The following ATAD1 variants were observed in gnomAD, a reference collection of about 807,000 sequenced individuals.
ATAD1 encodes the protein ATPase family AAA domain containing 1.
Under a neutral mutation model 42.7 loss-of-function variants are expected in ATAD1, and 18 were observed. The observed-to-expected ratio is 0.42, with a 90% CI of 0.29 to 0.63. The LOEUF (loss-of-function observed/expected upper bound fraction) is 0.63, where lower values mean the gene tolerates loss of function less well. Ranked by LOEUF, ATAD1 falls within the 20% of genes least tolerant of loss-of-function variation. The pLI is 0.19. For synonymous variants in ATAD1, 132 were observed against 143.1 expected (o/e 0.92, Z 0.55); for missense variants, 294 against 440.4 (o/e 0.67, Z 2.98).
intron 6 of ATAD1, among the ~76,000 whole-genome samples, chr10:87,775,803 C>T (rs11202552): frequency 0.066 from 10,048 of 151,996 alleles, 796 homozygotes; most frequent in East Asian, 0.33. Flanking sequence ...AAGTCTGTCT[C>T]GTATAAAATT....
upstream of ATAD1, among the ~76,000 whole-genome samples, chr10:87,821,253 C>T (rs193168236): frequency 2.0e-5 from 3 of 152,122 alleles, no homozygotes; most frequent in African/African-American, 7.2e-5. Flanking sequence ...CTTGGCTGGG[C>T]GCAGTGGCTC....
At chr10:87,771,160 A>T (rs1428792008) in intron 6 of ATAD1, 119 bp from the exon 7 acceptor site, 3 of 661,596 alleles carry the variant, frequency 4.5e-6, no homozygotes, top group Non-Finnish European at 7.3e-6. Context: ...CTTTGTAAGA[A>T]ATCTGATTTT....
chr10:87,792,634 T>A, intron 3 of ATAD1, 23 bp downstream of exon 3: 2 of 1,451,474 alleles, frequency 1.4e-6, no homozygotes, highest in Non-Finnish European at 9.6e-7. Flanking sequence ...AAAAAAATCT[T>A]AAATAAGATT....
At chr10:87,838,951 T>C (rs771382793) in intron 1 of ATAD1, among the ~76,000 whole-genome samples, 2 of 152,232 alleles carry the variant, frequency 1.3e-5, no homozygotes, top group Non-Finnish European at 2.9e-5. Context: ...ACAAATACAA[T>C]TGCCAACATA....
At chr10:87,811,932 GATATT>G (rs1315417528) in intron 2 of ATAD1, among the ~76,000 whole-genome samples, 3 of 152,098 alleles carry the variant, frequency 2.0e-5, no homozygotes, top group Non-Finnish European at 2.9e-5. Context: ...CTCTATAAAA[GATATT>G]ATAAGTCTTT....
rs577804992 is a variant in ATAD1 at position 87,813,415 on chromosome 10, A to C, written c.162+1023T>G. On this transcript the variant is annotated intron_variant, in intron 2 of 9. Coordinates refer to ENST00000680024, the MANE Select transcript of ATAD1 (RefSeq NM_001321967.2). ...CCAGAGACTTACAAATAGGCTGATA[A>C]TATCATCTAGAACTTCAGTCAACTA... is the stretch of plus-strand genomic sequence containing the variant. 5.2e-4 allele frequency among the ~76,000 whole-genome samples: 79 copies of C among 151,934 alleles called. No individual in the cohort carries two copies. In the South Asian group the frequency reaches 0.015, roughly 30 times the overall value.
intron 4 of ATAD1, among the ~76,000 whole-genome samples, chr10:87,788,678 AAAG>A (rs1855949570): frequency 6.6e-6 from 1 of 152,234 alleles, no homozygotes; most frequent in Non-Finnish European, 1.5e-5. Flanking sequence ...ACTGATAAAA[AAAG>A]AAGCTTTCTC....
chr10:87,763,156 A>G (rs1210222760), intron 8 of ATAD1, among the ~76,000 whole-genome samples: 1 of 151,420 alleles, frequency 6.6e-6, no homozygotes, highest in East Asian at 1.9e-4. Flanking sequence ...TTCCTTACCT[A>G]AAAAACATGG....
chr10:87,814,612 C>A lies in ATAD1; in HGVS notation c.-13G>T. On this transcript the variant is annotated splice_region_variant and 5_prime_UTR_variant, in exon 2 of 10. Transcript: ENST00000680024. ...CAGCATGTACCATCTTGAATGTTAA[C>A]CTTAAAAAAACAAACAGAAATGTCA... The A allele has an allele frequency of 6.3e-7, 1 of 1,582,346 alleles. No individual in the cohort carries two copies. Among genetic ancestry groups the A allele is most frequent in the Non-Finnish European group, 8.6e-7 (1 of 1,166,414 alleles).
rs555622333 is a variant in ATAD1, at chr10:87,772,587, A to G, written c.691-1546T>C. ...GTGGTTAAGTCAATATTTGGGGGGG[A>G]AAAAGGGAAATGGCCAGCATTTGAA... On this transcript the variant is annotated intron_variant, in intron 6 of 9. Coordinates refer to ENST00000680024, the MANE Select transcript of ATAD1 (RefSeq NM_001321967.2). 5.9e-5 allele frequency among the ~76,000 whole-genome samples: 9 copies of G among 152,172 alleles called. No homozygotes were observed. The East Asian group carries it at 7.7e-4, about 13-fold the overall frequency.
intron 1 of ATAD1, among the ~76,000 whole-genome samples, chr10:87,828,192 G>C (rs942617821): frequency 6.6e-6 from 1 of 151,796 alleles, no homozygotes; most frequent in Non-Finnish European, 1.5e-5. Context: ...TCAAACTCCT[G>C]GTCTCAAGCA....
In ATAD1 at chr10:87,784,368, GTTTT is replaced by G. The variant is rs1230070219; in HGVS notation, c.583+98_583+101del. On this transcript the variant is annotated intron_variant, in intron 5 of 9. Coordinates refer to ENST00000680024, the MANE Select transcript of ATAD1 (RefSeq NM_001321967.2). ...TATTATGATGTTGGTTATGTTCTTT[GTTTT>G]ATTAACATGGCCTAATAAATGTTAA... is the stretch of plus-strand genomic sequence containing the variant. 2.7e-6 allele frequency: 3 copies of G among 1,105,540 alleles called. No homozygotes were observed. In the East Asian group the frequency reaches 7.7e-5, roughly 28 times the overall value. 68.5% of individuals were successfully genotyped at this position (1,105,540 alleles called of 1,614,324 possible). A position where few individuals can be genotyped will look rare whatever the true frequency, so the allele number is the denominator to read the frequency against.
intron 2 of ATAD1, among the ~76,000 whole-genome samples, chr10:87,813,391 C>A (rs1857271934): frequency 6.6e-6 from 1 of 151,146 alleles, no homozygotes; most frequent in Admixed American, 6.6e-5. Context: ...TCAGACTTCC[C>A]AGAGACTTAC....
At chr10:87,776,495 G>A (rs183106012) in intron 5 of ATAD1, 68 bp from the exon 6 acceptor site, 113 of 1,297,850 alleles carry the variant, frequency 8.7e-5, no homozygotes, top group Middle Eastern at 7.6e-4. Context: ...TTGAGACAGG[G>A]TCTCACTCTG....
intron 1 of ATAD1, among the ~76,000 whole-genome samples, chr10:87,834,905 T>TA (rs1285876931): frequency 1.3e-5 from 2 of 152,056 alleles, no homozygotes; most frequent in Non-Finnish European, 2.9e-5. Context: ...GTTATAAATA[T>TA]AAATTTCCCT....
intron 2 of ATAD1, among the ~76,000 whole-genome samples, chr10:87,798,055 AC>A (rs1280921723): frequency 6.6e-6 from 1 of 151,554 alleles, no homozygotes; most frequent in East Asian, 1.9e-4. Context: ...AAAATCCCCA[AC>A]AAAAATTAAT....
intron 8 of ATAD1, among the ~76,000 whole-genome samples, chr10:87,763,387 G>A (rs1227291914): frequency 6.6e-6 from 1 of 152,204 alleles, no homozygotes; most frequent in Non-Finnish European, 1.5e-5. Flanking sequence ...GGTCAAGAAT[G>A]GTGGTTCATG....
Position 87,752,254 on chromosome 10 carries a change from T to C in ATAD1, c.*2433A>G, listed in dbSNP as rs1222392416. On this transcript the variant is annotated 3_prime_UTR_variant, in exon 10 of 10. Coordinates refer to ENST00000680024, the MANE Select transcript of ATAD1 (RefSeq NM_001321967.2). The stretch of plus-strand genomic sequence containing the variant: ...TCAAAAGTCTTCCAGCAATGATGCT[T>C]TTAGAGAAACATGGCATAAATGATC... 1 of 152,154 alleles carries C rather than the reference T, an allele frequency of 6.6e-6. No individual in the cohort carries two copies. The highest frequency in any genetic ancestry group is 1.5e-5 in the Non-Finnish European group (1 of 68,028). 9.4% of individuals were successfully genotyped at this position (152,154 alleles called of 1,614,324 possible).
chr10:87,760,356 T>A (rs1308990631), intron 8 of ATAD1, among the ~76,000 whole-genome samples: 1 of 152,112 alleles, frequency 6.6e-6, no homozygotes, highest in Non-Finnish European at 1.5e-5. Context: ...TGTGTGGCAC[T>A]TCCCCCTTCA....
Sources: allele counts gnomAD v4.1 joint callset (sites outside exome capture counted in the v4.1 genomes callset), GRCh38; gene constraint gnomAD v4.1.1; transcripts MANE v1.5; gene names NCBI Gene and HGNC (gene_info 2026-07-23, HGNC 2026-07-21).